Variants in GHR observed in about 807,000 individuals in gnomAD.
The protein encoded by GHR is growth hormone receptor.
Under a neutral mutation model 67.1 loss-of-function variants are expected in GHR, and 35 were observed. The ratio of observed to expected loss-of-function variants is 0.52; its 90% CI spans 0.40 to 0.69. The LOEUF is 0.69. Ranked by LOEUF, GHR falls within the 30% of genes least tolerant of loss-of-function variation. The probability of loss-of-function intolerance (pLI) is 0.00; values close to 1 mark genes in which losing one functional copy is unlikely to be tolerated. For synonymous variants in GHR, 272 were observed against 269.1 expected, an observed-to-expected ratio of 1.01 and a Z score of -0.10; for missense variants, 792 against 764.6, an observed-to-expected ratio of 1.04 and a Z score of -0.42.
Position 42,456,254 on chromosome 5 carries a change from T to G in GHR, c.-12+32299T>G, listed in dbSNP as rs186411167. 1.6e-3 allele frequency among the ~76,000 whole-genome samples: 244 copies of G among 152,316 alleles called. 1 individual carries two copies. Among genetic ancestry groups the G allele is most frequent in the South Asian group, 2.9e-3 (14 of 4,822 alleles). On this transcript the variant is annotated intron_variant, in intron 1 of 9. Transcript: ENST00000230882. Reference sequence around the variant, plus strand: ...TGAACCTGGGAGGCGGAGGTGGCAGTGAGCCGAGATCGTGCCACTGCACTG... The same window carrying G: ...TGAACCTGGGAGGCGGAGGTGGCAGGGAGCCGAGATCGTGCCACTGCACTG...
At chr5:42,437,066 A>G (rs1202471055) in intron 1 of GHR, among the ~76,000 whole-genome samples, 34 of 152,198 alleles carry the variant, frequency 2.2e-4, no homozygotes, top group Non-Finnish European at 5.9e-5. Context: ...TGTAAAACAC[A>G]AATTATTGGC....
chr5:42,711,838 G>A (rs10805665), intron 7 of GHR, among the ~76,000 whole-genome samples: 103,217 of 151,900 alleles, frequency 0.68, 36,372 homozygotes, highest in East Asian at 0.98. Flanking sequence ...TCAACAGCAG[G>A]TGCATACGGT....
At chr5:42,454,428 G>A (rs575605387) in intron 1 of GHR, among the ~76,000 whole-genome samples, 10 of 152,334 alleles carry the variant, frequency 6.6e-5, no homozygotes, top group Non-Finnish European at 1.3e-4. Context: ...CCAGCCAGGA[G>A]GTGGTGTCTT....
chr5:42,711,102 T>C lies in GHR; in HGVS notation c.619-105T>C. 4.7e-6 allele frequency: 4 copies of C among 853,500 alleles called. No homozygotes were observed. The South Asian group carries it at 5.4e-5, about 12-fold the overall frequency. The allele number at this position is 853,500 out of a possible 1,614,324, so 52.9% of individuals were successfully genotyped here. A position where few individuals can be genotyped will look rare whatever the true frequency, so the allele number is the denominator to read the frequency against. ...CAATGCATTTTAAAATATTACCTACTTTATAAAAATCCATTCTGAATAAAA... is the reference window on the plus strand; with the variant it reads ...CAATGCATTTTAAAATATTACCTACCTTATAAAAATCCATTCTGAATAAAA... On this transcript the variant is annotated intron_variant, in intron 6 of 9. Transcript: ENST00000230882.
intron 3 of GHR, among the ~76,000 whole-genome samples, chr5:42,656,322 A>G (rs1484013746): frequency 1.3e-5 from 2 of 152,214 alleles, no homozygotes; most frequent in African/African-American, 2.4e-5. Context: ...ACATTTTAGT[A>G]TCTTCTCATT....
intron 3 of GHR, among the ~76,000 whole-genome samples, chr5:42,653,215 C>T (rs1755095095): frequency 6.6e-6 from 1 of 152,090 alleles, no homozygotes; most frequent in Admixed American, 6.6e-5. Context: ...ACATGTTAAA[C>T]ATTTATTAAG....
At chr5:42,445,978 G>A (rs556460935) in intron 1 of GHR, among the ~76,000 whole-genome samples, 13 of 152,324 alleles carry the variant, frequency 8.5e-5, no homozygotes, top group South Asian at 8.3e-4. Flanking sequence ...TCACTGTAGA[G>A]AGAAGCCATA....
intron 1 of GHR, among the ~76,000 whole-genome samples, chr5:42,450,832 C>A (rs1744019660): frequency 6.6e-6 from 1 of 152,044 alleles, no homozygotes; most frequent in African/African-American, 2.4e-5. Flanking sequence ...TAAGTTTTGT[C>A]ATCATTATCA....
At position 42,424,057 on chromosome 5, in the gene GHR, G is replaced by T. The variant is rs918218573; in HGVS notation, c.-12+102G>T. ...ACTCTAGTTGTTTATGAAAACGGGA[G>T]GATCTGTCTTATATATTTACACGGA... On this transcript the variant is annotated intron_variant, in intron 1 of 9. Coordinates refer to ENST00000230882, the MANE Select transcript of GHR (RefSeq NM_000163.5). This position sits in a 1 kb window ranked among gnomAD's most constrained non-coding sequence, Gnocchi z 4.1. 11 of 153,890 alleles carry T rather than the reference G, an allele frequency of 7.1e-5. No homozygotes were observed. Among genetic ancestry groups the T allele is most frequent in the African/African-American group, 2.4e-4 (10 of 41,498 alleles). 9.5% of individuals were successfully genotyped at this position (153,890 alleles called of 1,614,324 possible).
rs755987305 is a variant in GHR, at chr5:42,719,266, G to C, written c.1759G>C (p.Gly587Arg). The change falls in exon 10 of 10, where the codon GGT (glycine) becomes CGT (arginine). Residue 587 changes from glycine (G) to arginine (R), a missense_variant. Physicochemically the swap from Gly to Arg is moderately radical, Grantham distance 125. Transcript: ENST00000230882. Reference protein sequence around the residue: ...GRPGTGEHVPGSEMPVPDYTS... With the variant: ...GRPGTGEHVPRSEMPVPDYTS... ...GCCTGGGACAGGAGAACATGTTCCA[G>C]GTTCTGAGATGCCTGTCCCAGACTA... 4.3e-6 allele frequency: 7 copies of C among 1,614,000 alleles called. No individual in the cohort carries two copies. In the African/African-American group the frequency reaches 8.0e-5, roughly 18 times the overall value.
intron 3 of GHR, among the ~76,000 whole-genome samples, chr5:42,686,534 C>G (rs1178655528): frequency 6.6e-6 from 1 of 152,178 alleles, no homozygotes; most frequent in African/African-American, 2.4e-5. Context: ...ATACACAAAT[C>G]AATAAACGTA....
At chr5:42,442,105 C>T (rs1433291155) in intron 1 of GHR, among the ~76,000 whole-genome samples, 1 of 152,040 alleles carries the variant, frequency 6.6e-6, no homozygotes, top group African/African-American at 2.4e-5. Context: ...TTGTTCGATG[C>T]CTTATATCTG....
At chr5:42,718,407 T>G (rs1758832108) in intron 9 of GHR, 46 bp from the exon 10 acceptor site, 1 of 1,364,254 alleles carries the variant, frequency 7.3e-7, no homozygotes, top group Non-Finnish European at 1.0e-6. Context: ...CATTTAATTA[T>G]TATGAGTTTC....
chr5:42,569,549 T>C (rs528057351), intron 2 of GHR, among the ~76,000 whole-genome samples: 1 of 152,224 alleles, frequency 6.6e-6, no homozygotes, highest in African/African-American at 2.4e-5. Flanking sequence ...CCAGTAATAG[T>C]CCTCAATATT....
chr5:42,457,458 G>A (rs561251663), intron 1 of GHR, among the ~76,000 whole-genome samples: 7 of 152,208 alleles, frequency 4.6e-5, no homozygotes, highest in South Asian at 2.1e-4. Flanking sequence ...AGTGATTTGC[G>A]TAAATATCAA....
At chr5:42,442,169 C>T (rs1743607659) in intron 1 of GHR, among the ~76,000 whole-genome samples, 1 of 151,942 alleles carries the variant, frequency 6.6e-6, no homozygotes, top group South Asian at 2.1e-4. Flanking sequence ...AAGGGGCTGG[C>T]ATACTAGGAA....
chr5:42,576,685 T>A (rs1320984750), intron 2 of GHR, among the ~76,000 whole-genome samples: 1 of 152,234 alleles, frequency 6.6e-6, no homozygotes, highest in Non-Finnish European at 1.5e-5. Context: ...GTTTCTAATG[T>A]TTAAGACATA....
At chr5:42,473,873 C>CAAA (rs532325898) in intron 1 of GHR, among the ~76,000 whole-genome samples, 1 of 83,160 alleles carries the variant, frequency 1.2e-5, no homozygotes. Flanking sequence ...GACTTTGTCT[C>CAAA]AAAAAAAAAA....
intron 6 of GHR, among the ~76,000 whole-genome samples, chr5:42,703,452 A>G (rs1483943768): frequency 1.3e-5 from 2 of 151,978 alleles, no homozygotes; most frequent in Admixed American, 1.3e-4. Flanking sequence ...TGATGACTAT[A>G]GCTTTGTATT....
Sources: gnomAD v4.1 joint callset for allele counts (sites outside exome capture counted in the v4.1 genomes callset) on GRCh38, gnomAD v4.1.1 for gene constraint, Gnocchi (gnomAD v3.1) non-coding constraint, MANE v1.5 for transcripts, NCBI Gene and HGNC (gene_info 2026-07-23, HGNC 2026-07-21) for gene names.